The following ANKS1B variants were observed in gnomAD, a reference collection of about 807,000 sequenced individuals.
ANKS1B encodes the protein ankyrin repeat and sterile alpha motif domain containing 1B, also known as ankyrin repeat and sterile alpha motif domain-containing protein 1B.
In ANKS1B, 36 loss-of-function variants were observed where a neutral mutation model predicts 148.3. The ratio of observed to expected loss-of-function variants is 0.24; its 90% CI spans 0.19 to 0.32. The LOEUF is 0.32. ANKS1B is among the 10% of genes least tolerant of loss of function. ANKS1B has a pLI of 1.00. For missense variants in ANKS1B, 1,157 were observed against 1,542.6 expected, an observed-to-expected ratio of 0.75 and a Z score of 4.19; for synonymous variants, 542 against 560.8, an observed-to-expected ratio of 0.97 and a Z score of 0.47.
At chr12:98,883,798 G>C (rs2099724331) in intron 17 of ANKS1B, among the ~76,000 whole-genome samples, 1 of 152,180 alleles carries the variant, frequency 6.6e-6, no homozygotes, top group African/African-American at 2.4e-5. Flanking sequence ...GCATAGAACA[G>C]TGCTTGCCAC....
At chr12:99,009,375 G>T (rs1276774050) in intron 17 of ANKS1B, among the ~76,000 whole-genome samples, 2 of 152,208 alleles carry the variant, frequency 1.3e-5, no homozygotes, top group South Asian at 4.1e-4. Context: ...GGACTGGACA[G>T]ATGAAAAGGA....
chr12:99,215,909 G>A (rs113937767), intron 14 of ANKS1B, among the ~76,000 whole-genome samples: 52 of 152,312 alleles, frequency 3.4e-4, no homozygotes, highest in African/African-American at 1.0e-3. Flanking sequence ...TATGAAATGT[G>A]AGGACAAGAG....
intron 19 of ANKS1B, among the ~76,000 whole-genome samples, chr12:98,809,916 C>T (rs759886254): frequency 2.6e-5 from 4 of 152,124 alleles, no homozygotes; most frequent in Non-Finnish European, 5.9e-5. Context: ...AGTGACAGAA[C>T]AGTCTCTTTG....
At chr12:99,915,413 C>T (rs549286902) in intron 1 of ANKS1B, among the ~76,000 whole-genome samples, 2 of 152,108 alleles carry the variant, frequency 1.3e-5, no homozygotes, top group South Asian at 2.1e-4. Context: ...GGAAAGAATG[C>T]TAGATAGAGG....
At chr12:99,039,260 TG>T (rs1413548206) in intron 17 of ANKS1B, among the ~76,000 whole-genome samples, 2 of 152,326 alleles carry the variant, frequency 1.3e-5, no homozygotes, top group African/African-American at 4.8e-5. Flanking sequence ...GGGATGGCAA[TG>T]AGATGGTGTG....
chr12:99,873,932 T>C (rs2091811776), intron 1 of ANKS1B, among the ~76,000 whole-genome samples: 1 of 151,802 alleles, frequency 6.6e-6, no homozygotes, highest in South Asian at 2.1e-4. Context: ...TGCATGCTGG[T>C]ATGCTCTGCA....
intron 8 of ANKS1B, among the ~76,000 whole-genome samples, chr12:99,730,990 G>A (rs1156788930): frequency 1.3e-5 from 2 of 152,160 alleles, no homozygotes; most frequent in Non-Finnish European, 2.9e-5. Flanking sequence ...AGGCTGGAGT[G>A]CAATGTTGTT....
At chr12:99,176,677 A>G (rs914580205) in intron 14 of ANKS1B, among the ~76,000 whole-genome samples, 10 of 152,256 alleles carry the variant, frequency 6.6e-5, no homozygotes, top group Non-Finnish European at 5.9e-5. Flanking sequence ...CCATCCCCTT[A>G]GCGATAAGTG....
chr12:99,250,284 T>C (rs1294918893), intron 12 of ANKS1B, among the ~76,000 whole-genome samples: 1 of 151,844 alleles, frequency 6.6e-6, no homozygotes, highest in Non-Finnish European at 1.5e-5. Flanking sequence ...ATGAAGGAGG[T>C]AATTGGGACT....
At chr12:98,962,828 G>T (rs1236594249) in intron 17 of ANKS1B, among the ~76,000 whole-genome samples, 1 of 152,156 alleles carries the variant, frequency 6.6e-6, no homozygotes, top group Non-Finnish European at 1.5e-5. Context: ...AAATTAAATA[G>T]TATGCTCCTG....
At chr12:99,339,969 C>A (rs1010583699) in intron 12 of ANKS1B, among the ~76,000 whole-genome samples, 2 of 152,032 alleles carry the variant, frequency 1.3e-5, no homozygotes, top group African/African-American at 4.8e-5. Flanking sequence ...TTGAACTTGG[C>A]CCTGTCTTTT....
chr12:99,899,578 A>T (rs914190824), intron 1 of ANKS1B, among the ~76,000 whole-genome samples: 4 of 152,148 alleles, frequency 2.6e-5, no homozygotes, highest in African/African-American at 4.8e-5. Context: ...ATGACATTTA[A>T]TCAATTTTAG....
intron 1 of ANKS1B, among the ~76,000 whole-genome samples, chr12:99,827,021 A>T (rs1603111570): frequency 6.6e-6 from 1 of 152,084 alleles, no homozygotes; most frequent in Admixed American, 6.6e-5. Flanking sequence ...CAGGAGGCTG[A>T]GGTAGAAGGG....
chr12:98,772,875 T>A (rs1048545766), intron 25 of ANKS1B, 167 bp downstream of exon 25: 1 of 676,190 alleles, frequency 1.5e-6, no homozygotes, highest in African/African-American at 1.9e-5. Flanking sequence ...AGCCTCTCGG[T>A]CTGTGGTACT....
chr12:99,769,420 A>T (rs951553914), intron 8 of ANKS1B, among the ~76,000 whole-genome samples: 9 of 152,168 alleles, frequency 5.9e-5, no homozygotes, highest in African/African-American at 2.2e-4. Flanking sequence ...TATGGCTGAG[A>T]ACCATTGTTT....
chr12:99,597,097 T>A (rs1184513106), intron 9 of ANKS1B, among the ~76,000 whole-genome samples: 1 of 151,994 alleles, frequency 6.6e-6, no homozygotes, highest in South Asian at 2.1e-4. Context: ...AACACTAATA[T>A]TGTCCATCTT....
intron 9 of ANKS1B, among the ~76,000 whole-genome samples, chr12:99,589,869 C>T (rs74817970): frequency 0.024 from 3,661 of 152,132 alleles, 101 homozygotes; most frequent in East Asian, 0.1. Flanking sequence ...AGGTGATAGA[C>T]ACCCCAATTA....
rs760953977 is a variant in ANKS1B at position 99,847,025 on chromosome 12, A to G, written c.135-21636T>C. Among the ~76,000 whole-genome samples, 3 of 152,020 alleles carry G rather than the reference A, an allele frequency of 2.0e-5. No homozygotes were observed. In the South Asian group the frequency reaches 6.2e-4, roughly 31 times the overall value. On this transcript the variant is annotated intron_variant, in intron 1 of 26. Coordinates refer to ENST00000683438, the MANE Select transcript of ANKS1B (RefSeq NM_001352186.2). ...TGGGCCTCAGAAAGCAACACCCTAA[A>G]TTATGATGTTTTGGCACGCTAAGTA...
At chr12:99,321,292 T>C (rs1337336631) in intron 12 of ANKS1B, among the ~76,000 whole-genome samples, 2 of 152,224 alleles carry the variant, frequency 1.3e-5, no homozygotes, top group Non-Finnish European at 2.9e-5. Context: ...AGCTATGCCC[T>C]GCCCCCAGAG....
Sources: gnomAD v4.1 joint callset for allele counts (sites outside exome capture counted in the v4.1 genomes callset) on GRCh38, gnomAD v4.1.1 for gene constraint, MANE v1.5 for transcripts, NCBI Gene and HGNC (gene_info 2026-07-23, HGNC 2026-07-21) for gene names.